TMEM132C: variants seen among roughly 807,000 people sequenced by gnomAD.
The protein encoded by TMEM132C is transmembrane protein 132C, also known as protein phosphatase 1, regulatory subunit 152.
Under a neutral mutation model 61.4 loss-of-function variants are expected in TMEM132C, and 29 were observed. The observed-to-expected ratio is 0.47, with a 90% CI of 0.35 to 0.64. The LOEUF (loss-of-function observed/expected upper bound fraction) is 0.64, where lower values mean the gene tolerates loss of function less well. Among genes scored for constraint, TMEM132C ranks in the 30% least tolerant of loss-of-function variants. The pLI, the probability that TMEM132C is intolerant of heterozygous loss-of-function variation, is 0.00. For synonymous variants in TMEM132C, 656 were observed against 633.1 expected (o/e 1.04, Z -0.54); for missense variants, 1,408 against 1,476.9 (o/e 0.95, Z 0.76).
intron 1 of TMEM132C, among the ~76,000 whole-genome samples, chr12:128,378,855 G>A (rs765257424): frequency 8.5e-5 from 13 of 152,222 alleles, no homozygotes; most frequent in Non-Finnish European, 1.5e-4. Context: ...ATTGAATCAT[G>A]AGGGTGGTTA....
At chr12:128,497,550 C>G (rs1036981144) in intron 2 of TMEM132C, among the ~76,000 whole-genome samples, 3 of 152,214 alleles carry the variant, frequency 2.0e-5, no homozygotes, top group Non-Finnish European at 2.9e-5. Flanking sequence ...CTCCCCCAGC[C>G]TCGCTGCTGC....
intron 1 of TMEM132C, among the ~76,000 whole-genome samples, chr12:128,367,949 G>A (rs780204474): frequency 1.4e-4 from 22 of 152,324 alleles, no homozygotes; most frequent in Middle Eastern, 3.4e-3. Context: ...GTGGCGGCTG[G>A]TCTAGACCGT....
At chr12:128,649,848 G>A (rs1313982939) in intron 4 of TMEM132C, among the ~76,000 whole-genome samples, 2 of 152,192 alleles carry the variant, frequency 1.3e-5, no homozygotes, top group South Asian at 2.1e-4. Flanking sequence ...TTAAATGCAC[G>A]TTTTGAAATG....
intron 3 of TMEM132C, among the ~76,000 whole-genome samples, chr12:128,549,979 G>A (rs190737260): frequency 1.3e-5 from 2 of 152,134 alleles, no homozygotes; most frequent in African/African-American, 4.8e-5. Flanking sequence ...GTCCTGAAAG[G>A]AAATACACCC....
intron 2 of TMEM132C, among the ~76,000 whole-genome samples, chr12:128,465,968 G>C (rs1224471018): frequency 3.3e-5 from 5 of 152,106 alleles, no homozygotes; most frequent in African/African-American, 9.7e-5. Flanking sequence ...GAGGTTGAAG[G>C]GGCCTCCAAA....
chr12:128,475,667 T>C (rs1166393177), intron 2 of TMEM132C, among the ~76,000 whole-genome samples: 1 of 152,196 alleles, frequency 6.6e-6, no homozygotes, highest in Non-Finnish European at 1.5e-5. Context: ...CCAAGTCCCA[T>C]CTCTTTTGTC....
chr12:128,496,662 G>T (rs1344196086), intron 2 of TMEM132C, among the ~76,000 whole-genome samples: 2 of 152,222 alleles, frequency 1.3e-5, no homozygotes, highest in African/African-American at 4.8e-5. Context: ...CATAGTTCTC[G>T]TGCCATGGTT....
chr12:128,355,567 C>A (rs1873476421), intron 1 of TMEM132C, among the ~76,000 whole-genome samples: 1 of 151,888 alleles, frequency 6.6e-6, no homozygotes, highest in Non-Finnish European at 1.5e-5. Context: ...TGCTTGACAC[C>A]CTCCATGGCT....
intron 2 of TMEM132C, among the ~76,000 whole-genome samples, chr12:128,523,015 T>A (rs116035414): frequency 0.015 from 2,275 of 152,222 alleles, 49 homozygotes; most frequent in African/African-American, 0.052. Flanking sequence ...CAAGTGCCTA[T>A]AAACAGATGA....
chr12:128,602,851 C>A (rs1312014950), intron 3 of TMEM132C, among the ~76,000 whole-genome samples: 1 of 152,202 alleles, frequency 6.6e-6, no homozygotes. Context: ...TCTACCTCTG[C>A]CACATGCTGC....
chr12:128,521,131 A>T (rs1252992662), intron 2 of TMEM132C, among the ~76,000 whole-genome samples: 4 of 152,124 alleles, frequency 2.6e-5, no homozygotes, highest in African/African-American at 9.7e-5. Flanking sequence ...CCAGATATTC[A>T]CTGCAAGATA....
At chr12:128,516,268 C>CATTCTG (rs1872714624) in intron 2 of TMEM132C, among the ~76,000 whole-genome samples, 2 of 152,214 alleles carry the variant, frequency 1.3e-5, no homozygotes, top group African/African-American at 4.8e-5. Flanking sequence ...CCACGGGAGG[C>CATTCTG]TGGATAAACC....
chr12:128,310,526 AAG>A (rs1170020357), intron 1 of TMEM132C, among the ~76,000 whole-genome samples: 1 of 151,976 alleles, frequency 6.6e-6, no homozygotes, highest in Non-Finnish European at 1.5e-5. Flanking sequence ...GGGAGCAAGC[AAG>A]AGAGAGTGGG....
intron 4 of TMEM132C, 135 bp downstream of exon 4, chr12:128,616,470 A>G: frequency 1.1e-6 from 1 of 943,420 alleles, no homozygotes; most frequent in Non-Finnish European, 1.5e-6. Flanking sequence ...GTCTTTCCTC[A>G]CCCTGGAAGT....
At chr12:128,579,432 G>T (rs1875248901) in intron 3 of TMEM132C, among the ~76,000 whole-genome samples, 1 of 152,200 alleles carries the variant, frequency 6.6e-6, no homozygotes. Flanking sequence ...AGGAGAACAT[G>T]AACATGCCTC....
At chr12:128,470,304 A>G (rs1483901064) in intron 2 of TMEM132C, among the ~76,000 whole-genome samples, 1 of 152,214 alleles carries the variant, frequency 6.6e-6, no homozygotes, top group Non-Finnish European at 1.5e-5. Context: ...CTGACAGCAA[A>G]GAGGCATTTG....
rs144952447 is a variant in TMEM132C at position 128,444,852 on chromosome 12, C to T, written c.974+29232C>T. On this transcript the variant is annotated intron_variant, in intron 2 of 8. Transcript: ENST00000435159. ...TTTCTGCAATTAACTCTGTGAGGAA[C>T]GACCATTAGGAAGTGGTCTTAAGTC... Among the ~76,000 whole-genome samples the T allele has an allele frequency of 3.5e-3, 536 of 152,148 alleles. 1 individual carries two copies. Among genetic ancestry groups the T allele is most frequent in the African/African-American group, 0.013 (520 of 41,476 alleles).
chr12:128,700,952 AG>A (rs569766935), intron 8 of TMEM132C, among the ~76,000 whole-genome samples: 49 of 152,310 alleles, frequency 3.2e-4, no homozygotes, highest in African/African-American at 1.1e-3. Context: ...ATACCAGTAG[AG>A]AAGTCGGGGG....
At chr12:128,463,828 G>A (rs1005291272) in intron 2 of TMEM132C, among the ~76,000 whole-genome samples, 1 of 152,134 alleles carries the variant, frequency 6.6e-6, no homozygotes, top group Admixed American at 6.5e-5. Context: ...TAGATACAGA[G>A]GACACCGAGG....
Sources: gnomAD v4.1 joint callset for allele counts (sites outside exome capture counted in the v4.1 genomes callset) on GRCh38, gnomAD v4.1.1 for gene constraint, MANE v1.5 for transcripts, NCBI Gene and HGNC (gene_info 2026-07-23, HGNC 2026-07-21) for gene names.